Variants in CTNND1 observed in about 807,000 individuals in gnomAD.
The protein encoded by CTNND1 is catenin delta 1.
CTNND1 carries 16 observed loss-of-function variants against 112.1 expected under a neutral mutation model. The observed-to-expected ratio is 0.14, with a 90% CI of 0.10 to 0.22. CTNND1 has a LOEUF of 0.22. Ranked by LOEUF, CTNND1 falls within the 10% of genes least tolerant of loss-of-function variation. The probability of loss-of-function intolerance (pLI) is 1.00; values close to 1 mark genes in which losing one functional copy is unlikely to be tolerated. For missense variants in CTNND1, 1,008 were observed against 1,257.0 expected, an observed-to-expected ratio of 0.80 and a Z score of 3.00; for synonymous variants, 420 against 446.5, an observed-to-expected ratio of 0.94 and a Z score of 0.75.
At position 57,762,062 on chromosome 11, in the gene CTNND1, A is replaced by G; in HGVS notation, c.-271A>G. The G allele has an allele frequency of 1.7e-5, 17 of 985,458 alleles. No homozygotes were observed. Among genetic ancestry groups the G allele is most frequent in the Non-Finnish European group, 1.9e-5 (16 of 829,936 alleles). The allele number at this position is 985,458 out of a possible 1,614,324, so 61.0% of individuals were successfully genotyped here. On this transcript the variant is annotated 5_prime_UTR_variant, in exon 1 of 21. Transcript: ENST00000399050. ...CACATTTGAGGTGTGTGGCTTTTGA[A>G]GAAAATGTATGTACTGACGGGAAAA...
intron 3 of CTNND1, 49 bp from the exon 4 acceptor site, chr11:57,793,961 G>A: frequency 6.3e-7 from 1 of 1,582,352 alleles, no homozygotes; most frequent in Non-Finnish European, 8.7e-7. Context: ...ATTTGATAGA[G>A]CAAAAGAAGG....
At chr11:57,771,816 A>T (rs2136076170) in intron 1 of CTNND1, among the ~76,000 whole-genome samples, 2 of 152,320 alleles carry the variant, frequency 1.3e-5, no homozygotes, top group East Asian at 3.9e-4. Flanking sequence ...TTAGCAGATA[A>T]TTTGCATAGT....
At chr11:57,787,571 T>C (rs1454125109) in intron 1 of CTNND1, among the ~76,000 whole-genome samples, 1 of 152,208 alleles carries the variant, frequency 6.6e-6, no homozygotes, top group Admixed American at 6.5e-5. Flanking sequence ...TTTTTCTTTT[T>C]CCCCAATTTG....
At chr11:57,799,632 AC>A (rs918393802) in intron 6 of CTNND1, among the ~76,000 whole-genome samples, 1 of 152,224 alleles carries the variant, frequency 6.6e-6, no homozygotes, top group Non-Finnish European at 1.5e-5. Context: ...CTTCCCAGGC[AC>A]AGCTTTGTTT....
intron 4 of CTNND1, among the ~76,000 whole-genome samples, chr11:57,794,934 C>T (rs1483911651): frequency 6.7e-6 from 1 of 150,306 alleles, no homozygotes; most frequent in Non-Finnish European, 1.5e-5. Flanking sequence ...GTGGTTTGCT[C>T]ATTCCTGTAA....
Position 57,816,498 on chromosome 11 carries a change from C to A in CTNND1, c.*190C>A. 1.6e-6 allele frequency: 1 copy of A among 640,504 alleles called. No homozygotes were observed. The highest frequency in any genetic ancestry group is 2.7e-6 in the Non-Finnish European group (1 of 363,956). The allele number at this position is 640,504 out of a possible 1,614,324, so 39.7% of individuals were successfully genotyped here. On this transcript the variant is annotated 3_prime_UTR_variant, in exon 21 of 21. Coordinates refer to ENST00000399050, the MANE Select transcript of CTNND1 (RefSeq NM_001085458.2). ...TTCTTCCTGTGAAGTTTAATTGTCTCAACGCCTCCCCCTCCCCCATTCCCT... is the reference window on the plus strand; with the variant it reads ...TTCTTCCTGTGAAGTTTAATTGTCTAAACGCCTCCCCCTCCCCCATTCCCT...
At chr11:57,789,301 G>T in intron 2 of CTNND1, 146 bp downstream of exon 2, 1 of 542,068 alleles carries the variant, frequency 1.8e-6, no homozygotes, top group Non-Finnish European at 3.1e-6. Flanking sequence ...GAATTGGGGA[G>T]AATATTTATT....
rs1252394563 is a variant in CTNND1, at chr11:57,791,560, C to T, written c.82C>T (p.Arg28Trp). ...EQEAQFEKLTRALEEERRHVS... is the reference protein window; with the variant it reads ...EQEAQFEKLTWALEEERRHVS... ...AGAGGCCCAGTTTGAGAAGCTGACC[C>T]GGGCGCTGGAGGAGGAACGGCGCCA... is the stretch of plus-strand genomic sequence containing the variant. The change falls in exon 3 of 21, where the codon CGG (arginine) becomes TGG (tryptophan). Residue 28 changes from arginine to tryptophan, a missense_variant. This residue lies in a region of CTNND1 where 404 missense variants were observed against 457.9 expected (regional missense o/e 0.88). Transcript: ENST00000399050. 1.2e-6 allele frequency: 2 copies of T among 1,610,642 alleles called. No homozygotes were observed. Among genetic ancestry groups the T allele is most frequent in the Non-Finnish European group, 1.7e-6 (2 of 1,178,616 alleles).
chr11:57,806,813 G>A (rs1036697087), intron 11 of CTNND1, 102 bp from the exon 12 acceptor site: 5 of 1,007,148 alleles, frequency 5.0e-6, no homozygotes, highest in Non-Finnish European at 7.5e-6. Flanking sequence ...TGGTGCATCT[G>A]TGATCAAAAG....
chr11:57,769,987 A>G (rs1044093480), intron 1 of CTNND1, among the ~76,000 whole-genome samples: 6 of 152,086 alleles, frequency 3.9e-5, no homozygotes, highest in South Asian at 2.1e-4. Context: ...ATGTTGTTCT[A>G]TGTTGTAGTG....
At chr11:57,775,624 G>T (rs1467477177) in intron 1 of CTNND1, among the ~76,000 whole-genome samples, 1 of 152,036 alleles carries the variant, frequency 6.6e-6, no homozygotes, top group Non-Finnish European at 1.5e-5. Flanking sequence ...TTGAAATTTA[G>T]CTGGACAATT....
At position 57,796,960 on chromosome 11, in the gene CTNND1, TGGG is replaced by T; in HGVS notation, c.925_927del (p.Gly309del). On this transcript the variant is annotated inframe_deletion, in exon 6 of 21. Transcript: ENST00000399050. Reference sequence around the variant, plus strand: ...CTGATTATGGCACTGCCCGTCGGACTGGGACACCCTCTGACCCTCGTCGGCGCC... The same window carrying T: ...CTGATTATGGCACTGCCCGTCGGACTACACCCTCTGACCCTCGTCGGCGCC... 5 of 1,524,474 alleles carry T rather than the reference TGGG, an allele frequency of 3.3e-6. No individual in the cohort carries two copies. Among genetic ancestry groups the T allele is most frequent in the South Asian group, 1.3e-5 (1 of 78,214 alleles). 94.4% of individuals were successfully genotyped at this position (1,524,474 alleles called of 1,614,324 possible).
chr11:57,806,104 G>A lies in CTNND1; in HGVS notation c.1876+69G>A. On this transcript the variant is annotated intron_variant, in intron 10 of 20. Transcript: ENST00000399050. ...GAAAGGAAGGAACACTTTAGCTTAA[G>A]GTACAAAATACTTGGCAACAGTATG... 7 of 1,516,118 alleles carry A rather than the reference G, an allele frequency of 4.6e-6. No homozygotes were observed. The Middle Eastern group carries it at 8.7e-4, about 189-fold the overall frequency. The allele number at this position is 1,516,118 out of a possible 1,614,324, so 93.9% of individuals were successfully genotyped here.
Position 57,788,483 on chromosome 11 carries a change from A to G in CTNND1, c.-213-554A>G, listed in dbSNP as rs1313219559. Among the ~76,000 whole-genome samples, 1 of 152,176 alleles carries G rather than the reference A, an allele frequency of 6.6e-6. No homozygotes were observed. Among genetic ancestry groups the G allele is most frequent in the Non-Finnish European group, 1.5e-5 (1 of 68,034 alleles). On this transcript the variant is annotated intron_variant, in intron 1 of 20. Transcript: ENST00000399050. This position sits in a 1 kb window ranked among gnomAD's most constrained non-coding sequence, Gnocchi z 4.1. ...GGTACTCTTGCTTGCTGACTTCTGC[A>G]TACACTCTAAGCCAAACAGGCCCGG...
Position 57,818,906 on chromosome 11 carries a change from G to A in CTNND1, c.*2598G>A, listed in dbSNP as rs2064110313. 1 of 152,164 alleles carries A rather than the reference G, an allele frequency of 6.6e-6. No homozygotes were observed. Among genetic ancestry groups the A allele is most frequent in the Non-Finnish European group, 1.5e-5 (1 of 68,024 alleles). 9.4% of individuals were successfully genotyped at this position (152,164 alleles called of 1,614,324 possible). A position where few individuals can be genotyped will look rare whatever the true frequency, so the allele number is the denominator to read the frequency against. ...AGGATCAAAAGGCCCATGTATATAA[G>A]TACTGACCACTGGGCCATAATGTTG... On this transcript the variant is annotated 3_prime_UTR_variant, in exon 21 of 21. Coordinates refer to ENST00000399050, the MANE Select transcript of CTNND1 (RefSeq NM_001085458.2).
chr11:57,798,043 T>C (rs1382649743), intron 6 of CTNND1, among the ~76,000 whole-genome samples: 1 of 151,900 alleles, frequency 6.6e-6, no homozygotes, highest in Non-Finnish European at 1.5e-5. Flanking sequence ...CTTTAGTTTC[T>C]GATTTGGTAT....
chr11:57,797,767 G>A (rs1200659165), intron 6 of CTNND1, among the ~76,000 whole-genome samples: 6 of 149,258 alleles, frequency 4.0e-5, no homozygotes, highest in Non-Finnish European at 5.9e-5. Context: ...ATATGAACCC[G>A]GGAGGCAGAG....
chr11:57,800,863 T>C (rs1245762832), intron 6 of CTNND1, among the ~76,000 whole-genome samples: 1 of 152,202 alleles, frequency 6.6e-6, no homozygotes, highest in Non-Finnish European at 1.5e-5. Flanking sequence ...AGACTCACCC[T>C]CTAGTGGTTG....
chr11:57,770,496 T>G (rs1952301520), intron 1 of CTNND1, among the ~76,000 whole-genome samples: 1 of 151,666 alleles, frequency 6.6e-6, no homozygotes, highest in African/African-American at 2.4e-5. Context: ...CTACTAAAAT[T>G]TCAAAAATTA....
Sources: allele counts gnomAD v4.1 joint callset (sites outside exome capture counted in the v4.1 genomes callset), GRCh38; gene constraint gnomAD v4.1.1; regional missense constraint gnomAD v4.1.1; non-coding constraint Gnocchi (gnomAD v3.1); transcripts MANE v1.5; gene names NCBI Gene and HGNC (gene_info 2026-07-23, HGNC 2026-07-21).